The following DSTN variants were observed in gnomAD, a reference collection of about 807,000 sequenced individuals.
DSTN encodes destrin, actin depolymerizing factor, also known as destrin.
DSTN carries 10 observed loss-of-function variants against 16.8 expected under a neutral mutation model. The observed-to-expected ratio is 0.60, with a 90% CI of 0.37 to 1.01. The LOEUF is 1.01. Among genes scored for constraint, DSTN ranks in the 50% least tolerant of loss-of-function variants. DSTN has a pLI of 0.01. For missense variants in DSTN, 141 were observed against 196.7 expected, an observed-to-expected ratio of 0.72 and a Z score of 1.69; for synonymous variants, 57 against 58.9, an observed-to-expected ratio of 0.97 and a Z score of 0.14.
chr20:17,593,227 T>A (rs2035489181), intron 1 of DSTN, among the ~76,000 whole-genome samples: 1 of 152,226 alleles, frequency 6.6e-6, no homozygotes. Flanking sequence ...ATGAACTGTC[T>A]TTCTGTTTAA....
intron 1 of DSTN, among the ~76,000 whole-genome samples, chr20:17,600,201 A>C (rs1370873975): frequency 6.6e-6 from 1 of 152,222 alleles, no homozygotes; most frequent in Admixed American, 6.5e-5. Flanking sequence ...TGAAATTTTA[A>C]TGGCAAGTGT....
Position 17,601,018 on chromosome 20 carries a change from G to C in DSTN, c.284G>C (p.Arg95Thr). 6.3e-7 allele frequency: 1 copy of C among 1,597,584 alleles called. No individual in the cohort carries two copies. Among genetic ancestry groups the C allele is most frequent in the Non-Finnish European group, 8.5e-7 (1 of 1,171,906 alleles). ...GCAAGCTTTGAAACAAAAGAATCCA[G>C]AAAAGAAGAGTTGATGTTTTTTTTG... is the stretch of plus-strand genomic sequence containing the variant. ...YDASFETKES[R>T]KEELMFFLWA... The change falls in exon 2 of 4, where the codon AGA becomes ACA. Residue 95 changes from arginine to threonine, a missense_variant. By Grantham distance (71) the Arg-to-Thr change is moderately conservative. Transcript: ENST00000246069.
Position 17,607,706 on chromosome 20 carries a change from G to A in DSTN, c.*560G>A, listed in dbSNP as rs1194407626. 7 of 152,254 alleles carry A rather than the reference G, an allele frequency of 4.6e-5. No individual in the cohort carries two copies. Among genetic ancestry groups the A allele is most frequent in the Non-Finnish European group, 7.3e-5 (5 of 68,102 alleles). 9.4% of individuals were successfully genotyped at this position (152,254 alleles called of 1,614,324 possible). ...ACATAATCCACGCTCATCTTGCAAA[G>A]CGCTATTTCAGGCACATCATTGGAA... On this transcript the variant is annotated 3_prime_UTR_variant, in exon 4 of 4. Transcript: ENST00000246069.
chr20:17,577,621 G>A (rs2122164636), intron 1 of DSTN, among the ~76,000 whole-genome samples: 1 of 151,840 alleles, frequency 6.6e-6, no homozygotes, highest in South Asian at 2.1e-4. Context: ...TTCATCTTTA[G>A]GCCAGTGTTG....
chr20:17,602,753 G>A (rs537021245), intron 2 of DSTN, among the ~76,000 whole-genome samples: 18 of 152,264 alleles, frequency 1.2e-4, no homozygotes, highest in East Asian at 1.9e-4. Context: ...TCTGCTGGGC[G>A]CAGTGACTCA....
intron 1 of DSTN, among the ~76,000 whole-genome samples, chr20:17,597,768 G>A (rs1455040950): frequency 6.6e-6 from 1 of 152,130 alleles, no homozygotes; most frequent in Non-Finnish European, 1.5e-5. Flanking sequence ...ATTCACAGTT[G>A]TGTATGCATC....
chr20:17,604,323 T>C (rs2035618245), intron 2 of DSTN, among the ~76,000 whole-genome samples: 4 of 152,196 alleles, frequency 2.6e-5, no homozygotes, highest in African/African-American at 9.7e-5. Context: ...TTGCCACCAG[T>C]GGTTCTCTTC....
intron 1 of DSTN, among the ~76,000 whole-genome samples, chr20:17,597,325 C>T (rs2035536704): frequency 1.3e-5 from 2 of 152,076 alleles, no homozygotes; most frequent in Non-Finnish European, 2.9e-5. Flanking sequence ...GAGTAGATGG[C>T]ATTGGAGTGT....
intron 3 of DSTN, 47 bp downstream of exon 3, chr20:17,604,678 CAG>C (rs1217904084): frequency 6.5e-7 from 1 of 1,547,376 alleles, no homozygotes; most frequent in Non-Finnish European, 8.8e-7. Context: ...GGTGAACACT[CAG>C]AATGGGGCAG....
At chr20:17,595,819 A>T (rs539246108) in intron 1 of DSTN, among the ~76,000 whole-genome samples, 1 of 151,608 alleles carries the variant, frequency 6.6e-6, no homozygotes, top group East Asian at 1.9e-4. Flanking sequence ...GTATGTTTTA[A>T]TTTTTTTTTA....
Position 17,607,578 on chromosome 20 carries a change from T to A in DSTN, c.*432T>A, listed in dbSNP as rs893291027. On this transcript the variant is annotated 3_prime_UTR_variant, in exon 4 of 4. Transcript: ENST00000246069. ...TTGAGCTAAGCAGAATAATGGAATA[T>A]AATATGTCTTCATAATATAACAACA... 4.5e-5 allele frequency: 7 copies of A among 155,748 alleles called. No individual in the cohort carries two copies. Among genetic ancestry groups the A allele is most frequent in the African/African-American group, 1.7e-4 (7 of 41,522 alleles). The allele number at this position is 155,748 out of a possible 1,614,324, so 9.6% of individuals were successfully genotyped here. A position where few individuals can be genotyped will look rare whatever the true frequency, so the allele number is the denominator to read the frequency against.
At chr20:17,576,261 T>TA (rs1464373816) in intron 1 of DSTN, 1 of 152,376 alleles carries the variant, frequency 6.6e-6, no homozygotes, top group Admixed American at 6.5e-5. Context: ...TTTGCTTTGT[T>TA]ATGTTTTACG....
At chr20:17,596,787 G>T (rs1177987943) in intron 1 of DSTN, 1 of 985,316 alleles carries the variant, frequency 1.0e-6, no homozygotes, top group African/African-American at 1.7e-5. Flanking sequence ...CTTTTAAGGA[G>T]CTTGTAAGTT....
chr20:17,598,761 C>G (rs775697978), intron 1 of DSTN, among the ~76,000 whole-genome samples: 4 of 151,988 alleles, frequency 2.6e-5, no homozygotes, highest in Non-Finnish European at 4.4e-5. Context: ...TCATTTTTCC[C>G]TTTTTATTAA....
At chr20:17,578,029 A>T (rs1273978568) in intron 1 of DSTN, among the ~76,000 whole-genome samples, 1 of 152,198 alleles carries the variant, frequency 6.6e-6, no homozygotes, top group African/African-American at 2.4e-5. Context: ...GCTAGTGGCC[A>T]CTTTATTGGA....
intron 1 of DSTN, among the ~76,000 whole-genome samples, chr20:17,574,431 A>G (rs2035243705): frequency 6.6e-6 from 1 of 152,162 alleles, no homozygotes; most frequent in Admixed American, 6.5e-5. Context: ...GTGGAGATTA[A>G]TGTCCTTCAC....
rs775563033 is a variant in DSTN, at chr20:17,604,639, C to G, written c.388+8C>G. 1 of 1,610,234 alleles carries G rather than the reference C, an allele frequency of 6.2e-7. No individual in the cohort carries two copies. The highest frequency in any genetic ancestry group is 2.2e-5 in the East Asian group (1 of 44,852). On this transcript the variant is annotated splice_region_variant and intron_variant, in intron 3 of 3. Coordinates refer to ENST00000246069, the MANE Select transcript of DSTN (RefSeq NM_006870.4). ...TTAAAAAGAAATTTCAAGGTATGTT[C>G]TAGATGACCTCTGAATATGTAGAGG...
At chr20:17,595,470 C>T (rs1455898090) in intron 1 of DSTN, among the ~76,000 whole-genome samples, 1 of 152,050 alleles carries the variant, frequency 6.6e-6, no homozygotes, top group African/African-American at 2.4e-5. Flanking sequence ...TGGATCTTAC[C>T]CATTTCTTTA....
chr20:17,570,158 T>C lies in DSTN; in HGVS notation c.-51T>C. On this transcript the variant is annotated 5_prime_UTR_variant, in exon 1 of 4. Transcript: ENST00000246069. ...GCCGTGAGGAGGACGGTCTGCATAC[T>C]CGCTGCCCGCCGGCTCCCTCCCCCG... The C allele has an allele frequency of 1.3e-6, 2 of 1,516,682 alleles. No individual in the cohort carries two copies. Among genetic ancestry groups the C allele is most frequent in the Non-Finnish European group, 1.8e-6 (2 of 1,136,572 alleles). The allele number at this position is 1,516,682 out of a possible 1,614,324, so 94.0% of individuals were successfully genotyped here. A position where few individuals can be genotyped will look rare whatever the true frequency, so the allele number is the denominator to read the frequency against.
Sources: gnomAD v4.1 joint callset for allele counts (sites outside exome capture counted in the v4.1 genomes callset) on GRCh38, gnomAD v4.1.1 for gene constraint, MANE v1.5 for transcripts, NCBI Gene and HGNC (gene_info 2026-07-23, HGNC 2026-07-21) for gene names.